Variants in MACF1 observed in about 807,000 individuals in gnomAD.
MACF1 encodes microtubule actin crosslinking factor 1.
A neutral mutation model predicts 854.8 loss-of-function variants in MACF1; 193 were observed. That is an observed-to-expected ratio of 0.23 (90% confidence interval 0.20 to 0.25). The LOEUF (loss-of-function observed/expected upper bound fraction) is 0.25, where lower values mean the gene tolerates loss of function less well. MACF1 is among the 10% of genes least tolerant of loss of function. The pLI is 1.00. For synonymous variants in MACF1, 3,185 were observed against 3,226.7 expected, an observed-to-expected ratio of 0.99 and a Z score of 0.44; for missense variants, 7,722 against 8,929.1, an observed-to-expected ratio of 0.86 and a Z score of 5.45.
At chr1:39,216,154 TAAAG>T (rs3078385) in intron 1 of MACF1, among the ~76,000 whole-genome samples, 20,947 of 152,114 alleles carry the variant, frequency 0.14, 1,948 homozygotes, top group East Asian at 0.4. Flanking sequence ...TGAAAAAAGA[TAAAG>T]AAAATGTAGT....
At chr1:39,403,300 T>C (rs940558803) in intron 58 of MACF1, among the ~76,000 whole-genome samples, 18 of 152,256 alleles carry the variant, frequency 1.2e-4, no homozygotes, top group Admixed American at 1.1e-3. Flanking sequence ...GGTTTCGCCA[T>C]GTTGGCCAGG....
chr1:39,316,800 G>T (rs1315767219), intron 28 of MACF1, among the ~76,000 whole-genome samples: 2 of 152,114 alleles, frequency 1.3e-5, no homozygotes, highest in Non-Finnish European at 2.9e-5. Context: ...ACAGTCAGTG[G>T]TTGTGCCATA....
Position 39,480,835 on chromosome 1 carries a change from T to C in MACF1, c.22171-85T>C. On this transcript the variant is annotated intron_variant, in intron 98 of 100. Coordinates refer to ENST00000564288, the MANE Select transcript of MACF1 (RefSeq NM_001394062.1). ...TTTCTTTAAAATTTAGTATCTTCTATTTATTTTTTTCTGTTCCCAATGTGC... is the reference window on the plus strand; with the variant it reads ...TTTCTTTAAAATTTAGTATCTTCTACTTATTTTTTTCTGTTCCCAATGTGC... The C allele has an allele frequency of 4.3e-6, 3 of 704,992 alleles. No individual in the cohort carries two copies. The South Asian group carries it at 5.1e-5, about 12-fold the overall frequency. 43.7% of individuals were successfully genotyped at this position (704,992 alleles called of 1,614,324 possible). A position where few individuals can be genotyped will look rare whatever the true frequency, so the allele number is the denominator to read the frequency against.
chr1:39,287,699 G>A, intron 15 of MACF1, 137 bp downstream of exon 15: 1 of 975,540 alleles, frequency 1.0e-6, no homozygotes, highest in African/African-American at 1.6e-5. Context: ...GAGTGATGGG[G>A]TCTTGCTATG....
rs772936286 is a variant in MACF1 at position 39,413,080 on chromosome 1, G to A, written c.15817-9294G>A. The A allele has an allele frequency of 5.0e-6, 8 of 1,602,350 alleles. No homozygotes were observed. The African/African-American group carries it at 6.7e-5, about 13-fold the overall frequency. On this transcript the variant is annotated intron_variant, in intron 58 of 100. Transcript: ENST00000564288. ...GGAGACTGCTCCAGCTGTTGCAGCA[G>A]CCATCACACAGGAGGGTATGTCAGC...
chr1:39,281,976 A>G (rs574910201), intron 6 of MACF1, among the ~76,000 whole-genome samples: 1 of 151,990 alleles, frequency 6.6e-6, no homozygotes, highest in Non-Finnish European at 1.5e-5. Flanking sequence ...AATCGTGAAT[A>G]ATATCATTAA....
chr1:39,257,923 A>C lies in MACF1; in HGVS notation c.436-13A>C. On this transcript the variant is annotated splice_polypyrimidine_tract_variant and intron_variant, in intron 5 of 100. Coordinates refer to ENST00000564288, the MANE Select transcript of MACF1 (RefSeq NM_001394062.1). ...TCCTAGAGCTCTGAGCCGTGCTTTT[A>C]TTTCTTTTTCAGGTGAAACTAGTGA... 6.2e-7 allele frequency: 1 copy of C among 1,602,690 alleles called. No individual in the cohort carries two copies. The highest frequency in any genetic ancestry group is 8.5e-7 in the Non-Finnish European group (1 of 1,170,052).
At chr1:39,404,145 G>GTAAA (rs1553359053) in intron 58 of MACF1, among the ~76,000 whole-genome samples, 19 of 133,076 alleles carry the variant, frequency 1.4e-4, no homozygotes, top group African/African-American at 5.5e-4. Context: ...AAATAAATAA[G>GTAAA]TAAGTAAATA....
chr1:39,176,112 A>AAAAAAAAAAAAAAAAAAAAAAAAC (rs1644023662), intron 2 of MACF1, among the ~76,000 whole-genome samples: 1 of 115,280 alleles, frequency 8.7e-6, no homozygotes, highest in Non-Finnish European at 1.9e-5. Context: ...TCCTTCTCAA[A>AAAAAAAAAAAAAAAAAAAAAAAAC]AAAAAAAAAA....
intron 23 of MACF1, chr1:39,304,150 C>T (rs905949758): frequency 4.7e-6 from 1 of 214,998 alleles, no homozygotes; most frequent in African/African-American, 2.4e-5. Context: ...GGTATATCTC[C>T]TAATGCTATC....
chr1:39,292,817 C>T lies in MACF1; in HGVS notation c.1966C>T (p.Leu656=). 1 of 1,613,216 alleles carries T rather than the reference C, an allele frequency of 6.2e-7. No individual in the cohort carries two copies. The highest frequency in any genetic ancestry group is 8.5e-7 in the Non-Finnish European group (1 of 1,179,670). The change falls in exon 17 of 101, where the codon CTG becomes TTG. Residue 656 remains leucine (L), a synonymous_variant. Coordinates refer to ENST00000564288, the MANE Select transcript of MACF1 (RefSeq NM_001394062.1). ...HTSYAETLGK[L]ETQYCKLKET... ...CAGCTATGCTGAAACTCTTGGAAAG[C>T]TGGAGACACAGTATTGTAAATTGAA...
At chr1:39,160,344 G>C (rs1352290980) in intron 2 of MACF1, among the ~76,000 whole-genome samples, 1 of 152,150 alleles carries the variant, frequency 6.6e-6, no homozygotes, top group Non-Finnish European at 1.5e-5. Flanking sequence ...AAGAAGGGAA[G>C]AATACCCACA....
chr1:39,280,995 T>C (rs1645533051), intron 6 of MACF1, among the ~76,000 whole-genome samples: 1 of 152,202 alleles, frequency 6.6e-6, no homozygotes, highest in South Asian at 2.1e-4. Flanking sequence ...CCCTTATTTG[T>C]TGAGCATAAC....
intron 1 of MACF1, among the ~76,000 whole-genome samples, chr1:39,225,223 T>TTTTTTTTTTG (rs1644701802): frequency 7.0e-6 from 1 of 143,860 alleles, no homozygotes; most frequent in African/African-American, 2.6e-5. Flanking sequence ...TTTTCTTTTT[T>TTTTTTTTTTG]TTTTGAGACG....
At chr1:39,441,903 C>G (rs1237301986) in intron 74 of MACF1, 49 bp from the exon 75 acceptor site, 1 of 1,380,768 alleles carries the variant, frequency 7.2e-7, no homozygotes, top group Non-Finnish European at 1.0e-6. Context: ...CTAATTCTCT[C>G]CCAAATTCTT....
chr1:39,124,049 A>ATT (rs1009496081), intron 2 of MACF1, among the ~76,000 whole-genome samples: 7 of 123,220 alleles, frequency 5.7e-5, no homozygotes, highest in Admixed American at 1.6e-4. Context: ...CAATTCTTGT[A>ATT]TTTTTTTTTT....
chr1:39,254,406 C>G (rs1360054229), intron 5 of MACF1, 31 bp downstream of exon 5: 1 of 1,603,172 alleles, frequency 6.2e-7, no homozygotes, highest in Non-Finnish European at 8.5e-7. Context: ...CCCCATTCTT[C>G]CAGGCTGTGT....
At chr1:39,138,686 A>T (rs1239712105) in intron 2 of MACF1, among the ~76,000 whole-genome samples, 5 of 151,378 alleles carry the variant, frequency 3.3e-5, no homozygotes, top group Non-Finnish European at 7.4e-5. Flanking sequence ...TTTTTTGGAG[A>T]CAGAGTCTTG....
chr1:39,245,348 G>A (rs1245893697), intron 2 of MACF1, among the ~76,000 whole-genome samples: 1 of 152,120 alleles, frequency 6.6e-6, no homozygotes, highest in Non-Finnish European at 1.5e-5. Context: ...GGAATGCAGT[G>A]GTGCGATCTT....
Sources: allele counts gnomAD v4.1 joint callset (sites outside exome capture counted in the v4.1 genomes callset), GRCh38; gene constraint gnomAD v4.1.1; transcripts MANE v1.5; gene names NCBI Gene and HGNC (gene_info 2026-07-23, HGNC 2026-07-21).